The following GABRB2 variants were observed in gnomAD, a reference collection of about 807,000 sequenced individuals.
The protein encoded by GABRB2 is gamma-aminobutyric acid type A receptor subunit beta2.
In GABRB2, 16 loss-of-function variants were observed where a neutral mutation model predicts 54.7. That is an observed-to-expected ratio of 0.29 (90% CI 0.20 to 0.44). The LOEUF is 0.44. Ranked by LOEUF, GABRB2 falls within the 20% of genes least tolerant of loss-of-function variation. The pLI is 1.00. For synonymous variants in GABRB2, 244 were observed against 233.8 expected, an observed-to-expected ratio of 1.04 and a Z score of -0.40; for missense variants, 355 against 644.0, an observed-to-expected ratio of 0.55 and a Z score of 4.86.
At chr5:161,430,687 AAG>A (rs1390770022) in intron 4 of GABRB2, among the ~76,000 whole-genome samples, 1 of 152,168 alleles carries the variant, frequency 6.6e-6, no homozygotes, top group Non-Finnish European at 1.5e-5. Flanking sequence ...TTAAGAAAGA[AAG>A]AGAAATATTG....
chr5:161,327,914 G>A (rs1406140114), intron 8 of GABRB2, among the ~76,000 whole-genome samples: 1 of 152,092 alleles, frequency 6.6e-6, no homozygotes, highest in Non-Finnish European at 1.5e-5. Context: ...AAGAAATGGG[G>A]TGGTATTATT....
chr5:161,375,204 T>A (rs950245356), intron 5 of GABRB2, among the ~76,000 whole-genome samples: 1 of 152,100 alleles, frequency 6.6e-6, no homozygotes, highest in Non-Finnish European at 1.5e-5. Flanking sequence ...ATGAATGACT[T>A]GAAAGCACCA....
rs564385951 is a variant in GABRB2 at position 161,397,995 on chromosome 5, TAGAC to T, written c.541+12976_541+12979del. ...TACACAGTAAGTGTTCAATAATTGA[TAGAC>T]AGAGGTAGATAGATGATAGATAGAT... On this transcript the variant is annotated intron_variant, in intron 5 of 9. Coordinates refer to ENST00000393959, the MANE Select transcript of GABRB2 (RefSeq NM_001371727.1). Among the ~76,000 whole-genome samples, 216 of 150,488 alleles carry T rather than the reference TAGAC, an allele frequency of 1.4e-3. 1 individual carries two copies. Among genetic ancestry groups the T allele is most frequent in the Non-Finnish European group, 1.7e-3 (118 of 67,664 alleles).
intron 4 of GABRB2, among the ~76,000 whole-genome samples, chr5:161,421,005 C>A (rs994123852): frequency 6.6e-6 from 1 of 152,150 alleles, no homozygotes; most frequent in Non-Finnish European, 1.5e-5. Flanking sequence ...ACCTAAGGAG[C>A]CTTCTCCCAC....
At chr5:161,518,157 A>G (rs1760008567) in intron 3 of GABRB2, among the ~76,000 whole-genome samples, 1 of 152,180 alleles carries the variant, frequency 6.6e-6, no homozygotes, top group Admixed American at 6.5e-5. Context: ...TGAAGAAAAG[A>G]ATTTTAGCCA....
chr5:161,349,835 G>C (rs6886692), intron 5 of GABRB2, among the ~76,000 whole-genome samples: 3,355 of 152,158 alleles, frequency 0.022, 57 homozygotes, highest in Non-Finnish European at 0.034. Flanking sequence ...GCTTTCAAAC[G>C]AGACCATAGC....
In GABRB2 at chr5:161,348,995, C is replaced by T. The variant is rs550308475; in HGVS notation, c.542-12226G>A. On this transcript the variant is annotated intron_variant, in intron 5 of 9. Coordinates refer to ENST00000393959, the MANE Select transcript of GABRB2 (RefSeq NM_001371727.1). The stretch of plus-strand genomic sequence containing the variant: ...TGTGAATAAGTGAATTGCCAACTCT[C>T]TTCATATGCCCCTTAAATATCTATG... 1.2e-4 allele frequency among the ~76,000 whole-genome samples: 18 copies of T among 152,222 alleles called. No individual in the cohort carries two copies. In the South Asian group the frequency reaches 3.7e-3, roughly 32 times the overall value.
At chr5:161,484,302 A>G (rs1465230115) in intron 3 of GABRB2, among the ~76,000 whole-genome samples, 1 of 152,016 alleles carries the variant, frequency 6.6e-6, no homozygotes, top group Admixed American at 6.6e-5. Flanking sequence ...CTAAAGTTAA[A>G]AAGAAGTCAT....
intron 5 of GABRB2, among the ~76,000 whole-genome samples, chr5:161,348,151 T>C (rs1038135531): frequency 2.0e-5 from 3 of 152,098 alleles, no homozygotes; most frequent in African/African-American, 4.8e-5. Context: ...AATCCCTTTA[T>C]ACTGCAACAT....
At chr5:161,316,393 T>G (rs1758029597) in intron 9 of GABRB2, among the ~76,000 whole-genome samples, 1 of 152,188 alleles carries the variant, frequency 6.6e-6, no homozygotes, top group South Asian at 2.1e-4. Context: ...TGTCTAAATG[T>G]GTCACTGGAA....
At position 161,301,452 on chromosome 5, in the gene GABRB2, A is replaced by C. The variant is rs111264630; in HGVS notation, c.1192-7024T>G. 2.7e-3 allele frequency among the ~76,000 whole-genome samples: 418 copies of C among 152,206 alleles called. 5 individuals are homozygous for C. The highest frequency in any genetic ancestry group is 9.8e-3 in the African/African-American group (405 of 41,518). ...TTTTTTTCGATTAGGACATTAAAGA[A>C]AGACAATTTCCCTTTAACCAATCAG... On this transcript the variant is annotated intron_variant, in intron 9 of 9. Transcript: ENST00000393959.
At chr5:161,451,788 T>G (rs1230431908) in intron 4 of GABRB2, among the ~76,000 whole-genome samples, 1 of 152,178 alleles carries the variant, frequency 6.6e-6, no homozygotes, top group Non-Finnish European at 1.5e-5. Context: ...ATATATAAGA[T>G]GAATGTTTTC....
chr5:161,376,257 T>C (rs1471119512), intron 5 of GABRB2, among the ~76,000 whole-genome samples: 1 of 152,110 alleles, frequency 6.6e-6, no homozygotes, highest in Non-Finnish European at 1.5e-5. Flanking sequence ...ATGTGATGGG[T>C]TGATGGACAG....
At chr5:161,310,812 G>C (rs1439950364) in intron 9 of GABRB2, among the ~76,000 whole-genome samples, 1 of 150,686 alleles carries the variant, frequency 6.6e-6, no homozygotes, top group Non-Finnish European at 1.5e-5. Flanking sequence ...GCCCAGGCTG[G>C]AGTGCAGTGG....
intron 5 of GABRB2, among the ~76,000 whole-genome samples, chr5:161,359,088 C>T (rs1754726031): frequency 6.6e-6 from 1 of 151,924 alleles, no homozygotes; most frequent in Admixed American, 6.6e-5. Flanking sequence ...ATCTAGGGCA[C>T]CATTATGTGT....
chr5:161,446,784 T>C (rs1057197023), intron 4 of GABRB2, among the ~76,000 whole-genome samples: 1 of 152,140 alleles, frequency 6.6e-6, no homozygotes, highest in African/African-American at 2.4e-5. Context: ...CCCTGTGTCT[T>C]TGACTCCAGA....
rs1029561437 is a variant in GABRB2, at chr5:161,397,102, A to G, written c.541+13873T>C. 3.9e-5 allele frequency among the ~76,000 whole-genome samples: 6 copies of G among 152,232 alleles called. No homozygotes were observed. The East Asian group carries it at 9.6e-4, about 24-fold the overall frequency. ...TTTGTTAAACCTTAAGGTACATTTTATCAATGTATCTTCACAATCAAAAAA... is the reference window on the plus strand; with the variant it reads ...TTTGTTAAACCTTAAGGTACATTTTGTCAATGTATCTTCACAATCAAAAAA... On this transcript the variant is annotated intron_variant, in intron 5 of 9. Coordinates refer to ENST00000393959, the MANE Select transcript of GABRB2 (RefSeq NM_001371727.1).
At chr5:161,313,851 C>T (rs573261675) in intron 9 of GABRB2, among the ~76,000 whole-genome samples, 1 of 152,190 alleles carries the variant, frequency 6.6e-6, no homozygotes, top group Non-Finnish European at 1.5e-5. Context: ...TGGGCTTTCT[C>T]CAATCTATAA....
At chr5:161,371,173 A>G (rs1355130989) in intron 5 of GABRB2, among the ~76,000 whole-genome samples, 4 of 152,174 alleles carry the variant, frequency 2.6e-5, no homozygotes, top group Non-Finnish European at 5.9e-5. Flanking sequence ...CAAGGCTGTT[A>G]TTACAAGACA....
Sources: allele counts gnomAD v4.1 joint callset (sites outside exome capture counted in the v4.1 genomes callset), GRCh38; gene constraint gnomAD v4.1.1; transcripts MANE v1.5; gene names NCBI Gene and HGNC (gene_info 2026-07-23, HGNC 2026-07-21).